Variants in SMIM17 observed in about 807,000 individuals in gnomAD.
SMIM17 encodes the protein small integral membrane protein 17.
In SMIM17, 10 loss-of-function variants were observed where a neutral mutation model predicts 12.2. The observed-to-expected ratio is 0.82, with a 90% CI of 0.50 to 1.39. The LOEUF (loss-of-function observed/expected upper bound fraction) is 1.39, where lower values mean the gene tolerates loss of function less well. SMIM17 is among the 40% of genes most tolerant of loss of function. The pLI is 0.00. For synonymous variants in SMIM17, 50 were observed against 44.1 expected (o/e 1.13, Z -0.53); for missense variants, 136 against 118.2 (o/e 1.15, Z -0.70).
rs146708203 is a variant in SMIM17 at position 56,653,716 on chromosome 19, C to A, written c.247-1387C>A. Among the ~76,000 whole-genome samples the A allele has an allele frequency of 2.8e-3, 427 of 152,312 alleles. 5 individuals are homozygous for A. Among genetic ancestry groups the A allele is most frequent in the Non-Finnish European group, 4.9e-3 (334 of 68,026 alleles). On this transcript the variant is annotated intron_variant, in intron 3 of 3. Transcript: ENST00000598409. ...AGGTTTGGGAACTGCTTAAGTGGGTCATTGTCCCTAGGTATCTGGTTGTAA... is the reference window on the plus strand; with the variant it reads ...AGGTTTGGGAACTGCTTAAGTGGGTAATTGTCCCTAGGTATCTGGTTGTAA...
intron 1 of SMIM17, among the ~76,000 whole-genome samples, chr19:56,644,676 C>T (rs2045048358): frequency 6.6e-6 from 1 of 152,220 alleles, no homozygotes; most frequent in South Asian, 2.1e-4. Flanking sequence ...TATCCACTGC[C>T]ATTTGTTCAT....
At chr19:56,649,534 G>C (rs1329470247) in intron 3 of SMIM17, among the ~76,000 whole-genome samples, 1 of 152,174 alleles carries the variant, frequency 6.6e-6, no homozygotes, top group African/African-American at 2.4e-5. Flanking sequence ...AGCTGGGGCT[G>C]GGGGTTGCTA....
chr19:56,645,477 T>G, intron 1 of SMIM17, 91 bp from the exon 2 acceptor site: 1 of 463,876 alleles, frequency 2.2e-6, no homozygotes, highest in Non-Finnish European at 3.7e-6. Context: ...GAATCTCCAC[T>G]TGATTACTGC....
At chr19:56,646,773 C>T (rs117133732) in intron 2 of SMIM17, among the ~76,000 whole-genome samples, 4,264 of 152,164 alleles carry the variant, frequency 0.028, 90 homozygotes, top group Non-Finnish European at 0.043. Context: ...GGGGAGGAAA[C>T]GAGAGGTATC....
intron 3 of SMIM17, among the ~76,000 whole-genome samples, chr19:56,650,960 C>A (rs980264774): frequency 6.6e-6 from 1 of 150,754 alleles, no homozygotes; most frequent in African/African-American, 2.4e-5. Flanking sequence ...ATTGATGGAG[C>A]ACACACCAGG....
At position 56,647,420 on chromosome 19, in the gene SMIM17, T is replaced by TGAGAGAGAGAGAGAGAGAGA. The variant is rs72370552; in HGVS notation, c.170-126_170-107dup. ...GAGAGAGAGAGAGAGAGAAGGAGGG[T>TGAGAGAGAGAGAGAGAGAGA]GAGAGAGAGAGAGAGAGAGAGAGAG... On this transcript the variant is annotated intron_variant, in intron 2 of 3. Transcript: ENST00000598409. 208 of 548,520 alleles carry TGAGAGAGAGAGAGAGAGAGA rather than the reference T, an allele frequency of 3.8e-4. No homozygotes were observed. In the African/African-American group the frequency reaches 3.9e-3, roughly 10 times the overall value. 34.0% of individuals were successfully genotyped at this position (548,520 alleles called of 1,614,324 possible). A position where few individuals can be genotyped will look rare whatever the true frequency, so the allele number is the denominator to read the frequency against.
chr19:56,645,853 C>T lies in SMIM17; in HGVS notation c.169+17C>T. On this transcript the variant is annotated intron_variant, in intron 2 of 3. Coordinates refer to ENST00000598409, the MANE Select transcript of SMIM17 (RefSeq NM_001193628.2). Reference sequence around the variant, plus strand: ...ATGAGAAAGGTGAGAGGCAGGGGTCCTTTGGGAGGTGAGTGGGTGGAGAGG... The same window carrying T: ...ATGAGAAAGGTGAGAGGCAGGGGTCTTTTGGGAGGTGAGTGGGTGGAGAGG... 6.6e-7 allele frequency: 1 copy of T among 1,520,946 alleles called. No homozygotes were observed. The highest frequency in any genetic ancestry group is 8.8e-7 in the Non-Finnish European group (1 of 1,139,240). The allele number at this position is 1,520,946 out of a possible 1,614,324, so 94.2% of individuals were successfully genotyped here.
At chr19:56,653,299 T>G (rs577148805) in intron 3 of SMIM17, among the ~76,000 whole-genome samples, 10 of 152,274 alleles carry the variant, frequency 6.6e-5, no homozygotes, top group Non-Finnish European at 1.5e-4. Context: ...TATATATTTT[T>G]TAATTCCAAA....
rs2045074712 is a variant in SMIM17 at position 56,647,611 on chromosome 19, G to A, written c.223G>A (p.Asp75Asn). 1 of 1,535,420 alleles carries A rather than the reference G, an allele frequency of 6.5e-7. No individual in the cohort carries two copies. The highest frequency in any genetic ancestry group is 8.7e-7 in the Non-Finnish European group (1 of 1,146,636). ...CCAGGAGTGGAGCTCGGTGGAGGAA[G>A]ATGACGAATCAGAGGGCTCCCAGGT... is the stretch of plus-strand genomic sequence containing the variant. The part of the protein sequence containing the change: ...LSQEWSSVEE[D>N]DESEGSQGFV... The change falls in exon 3 of 4, where the codon GAT (aspartate) becomes AAT (asparagine). Residue 75 changes from aspartate (D) to asparagine (N), a missense_variant. Coordinates refer to ENST00000598409, the MANE Select transcript of SMIM17 (RefSeq NM_001193628.2).
chr19:56,647,456 C>A, intron 2 of SMIM17, 102 bp from the exon 3 acceptor site: 5 of 676,260 alleles, frequency 7.4e-6, no homozygotes, highest in East Asian at 3.0e-5. Flanking sequence ...AGAGAGGAGG[C>A]TATTACTAGA....
intron 3 of SMIM17, among the ~76,000 whole-genome samples, chr19:56,650,315 A>G (rs1489477451): frequency 6.6e-6 from 1 of 152,174 alleles, no homozygotes; most frequent in African/African-American, 2.4e-5. Flanking sequence ...CTAGGACTAC[A>G]GGCGCACACC....
chr19:56,651,242 G>A (rs2045107019), intron 3 of SMIM17, among the ~76,000 whole-genome samples: 1 of 152,140 alleles, frequency 6.6e-6, no homozygotes, highest in Non-Finnish European at 1.5e-5. Flanking sequence ...GGCACAGAGA[G>A]GTTATGTGAC....
At chr19:56,648,131 T>TATCC (rs35121437) in intron 3 of SMIM17, among the ~76,000 whole-genome samples, 1,942 of 129,278 alleles carry the variant, frequency 0.015, 33 homozygotes, top group Non-Finnish European at 0.02. Flanking sequence ...TTTATCCACT[T>TATCC]ATCCATCCAT....
chr19:56,647,293 T>C (rs2045070497), intron 2 of SMIM17, among the ~76,000 whole-genome samples: 1 of 152,114 alleles, frequency 6.6e-6, no homozygotes, highest in African/African-American at 2.4e-5. Context: ...TAGGTAGTTA[T>C]AGAACAGAAT....
intron 3 of SMIM17, among the ~76,000 whole-genome samples, chr19:56,650,414 C>A (rs780249968): frequency 6.6e-6 from 1 of 152,116 alleles, no homozygotes; most frequent in Non-Finnish European, 1.5e-5. Flanking sequence ...CCTCGTAATC[C>A]GCCCACCTCG....
At position 56,647,616 on chromosome 19, in the gene SMIM17, C is replaced by A; in HGVS notation, c.228C>A (p.Asp76Glu). Residue 76 changes from aspartate (D) to glutamate (E), a missense_variant, in exon 3 of 4, where the codon GAC becomes GAA. Asp to Glu is a conservative substitution (Grantham distance 45). Coordinates refer to ENST00000598409, the MANE Select transcript of SMIM17 (RefSeq NM_001193628.2). ...SQEWSSVEED[D>E]ESEGSQGFVE... is the part of the protein sequence containing the mutation. ...AGTGGAGCTCGGTGGAGGAAGATGA[C>A]GAATCAGAGGGCTCCCAGGTACACT... is the stretch of plus-strand genomic sequence containing the variant. The A allele has an allele frequency of 6.5e-7, 1 of 1,534,440 alleles. No individual in the cohort carries two copies. Among genetic ancestry groups the A allele is most frequent in the Non-Finnish European group, 8.7e-7 (1 of 1,146,190 alleles).
chr19:56,650,629 G>T (rs150828525), intron 3 of SMIM17, among the ~76,000 whole-genome samples: 16 of 152,320 alleles, frequency 1.1e-4, no homozygotes, highest in African/African-American at 3.8e-4. Flanking sequence ...GCTTGCTTCA[G>T]GTCCCACAAT....
At position 56,656,870 on chromosome 19, in the gene SMIM17, C is replaced by T. The variant is rs966602124; in HGVS notation, c.*1657C>T. ...ACTTTTTAAAAAGCTTTTAGTGTGG[C>T]CTAGAACATGTCCATTTTTTGTAAT... On this transcript the variant is annotated 3_prime_UTR_variant, in exon 4 of 4. Coordinates refer to ENST00000598409, the MANE Select transcript of SMIM17 (RefSeq NM_001193628.2). Among the ~76,000 whole-genome samples the T allele has an allele frequency of 6.6e-6, 1 of 152,140 alleles. No homozygotes were observed. Among genetic ancestry groups the T allele is most frequent in the Non-Finnish European group, 1.5e-5 (1 of 68,024 alleles).
In SMIM17 at chr19:56,647,429, G is replaced by GAGAGAGAGAGAGAGAGAGAC. The variant is rs998790298; in HGVS notation, c.170-110_170-109insCAGAGAGAGAGAGAGAGAGA. ...AGAGAGAGAAGGAGGGTGAGAGAGA[G>GAGAGAGAGAGAGAGAGAGAC]AGAGAGAGAGAGAGAGAGAGAGGAG... On this transcript the variant is annotated intron_variant, in intron 2 of 3. Transcript: ENST00000598409. 9 of 375,172 alleles carry GAGAGAGAGAGAGAGAGAGAC rather than the reference G, an allele frequency of 2.4e-5. No homozygotes were observed. In the African/African-American group the frequency reaches 3.6e-4, roughly 15 times the overall value. The allele number at this position is 375,172 out of a possible 1,614,324, so 23.2% of individuals were successfully genotyped here.
Sources: gnomAD v4.1 joint callset for allele counts (sites outside exome capture counted in the v4.1 genomes callset) on GRCh38, gnomAD v4.1.1 for gene constraint, MANE v1.5 for transcripts, NCBI Gene and HGNC (gene_info 2026-07-23, HGNC 2026-07-21) for gene names.